The following SLC35G2 variants were observed in gnomAD, a reference collection of about 807,000 sequenced individuals.
The protein encoded by SLC35G2 is transmembrane protein 22.
SLC35G2 carries 20 observed loss-of-function variants against 27.2 expected under a neutral mutation model. That is an observed-to-expected ratio of 0.74 (90% CI 0.52 to 1.07). The LOEUF (loss-of-function observed/expected upper bound fraction) is 1.07, where lower values mean the gene tolerates loss of function less well. Among genes scored for constraint, SLC35G2 ranks in the 50% least tolerant of loss-of-function variants. The pLI is 0.00. For missense variants in SLC35G2, 416 were observed against 493.3 expected (o/e 0.84, Z 1.48); for synonymous variants, 148 against 165.3 (o/e 0.90, Z 0.80).
intron 1 of SLC35G2, among the ~76,000 whole-genome samples, chr3:136,844,704 G>C (rs993372310): frequency 6.9e-6 from 1 of 145,782 alleles, no homozygotes; most frequent in African/African-American, 2.5e-5. Context: ...TGAGGCTGAG[G>C]CACGAATTGC....
At chr3:136,845,736 T>C (rs1238519908) in intron 1 of SLC35G2, among the ~76,000 whole-genome samples, 2 of 151,714 alleles carry the variant, frequency 1.3e-5, no homozygotes, top group Admixed American at 1.3e-4. Flanking sequence ...GGTGGGACTA[T>C]AGGTGCGCGC....
chr3:136,821,384 A>G (rs979658817), intron 1 of SLC35G2, among the ~76,000 whole-genome samples: 1 of 152,128 alleles, frequency 6.6e-6, no homozygotes, highest in African/African-American at 2.4e-5. Flanking sequence ...TTTATGTCCA[A>G]TTTTTTAGAC....
intron 1 of SLC35G2, among the ~76,000 whole-genome samples, chr3:136,826,323 C>T (rs1936585752): frequency 6.7e-6 from 1 of 149,868 alleles, no homozygotes; most frequent in East Asian, 2.0e-4. Context: ...AGGCATGAGC[C>T]ACCACGAGGT....
chr3:136,832,865 G>A (rs1374324854), intron 1 of SLC35G2, among the ~76,000 whole-genome samples: 1 of 151,700 alleles, frequency 6.6e-6, no homozygotes, highest in Non-Finnish European at 1.5e-5. Context: ...TCAGGAGATC[G>A]ACACCATCCT....
intron 1 of SLC35G2, among the ~76,000 whole-genome samples, chr3:136,822,977 G>A (rs1936495571): frequency 6.6e-6 from 1 of 152,056 alleles, no homozygotes; most frequent in Non-Finnish European, 1.5e-5. Context: ...TTTTTTTGAG[G>A]CACCTCCAAA....
At chr3:136,852,181 T>C (rs1031765490) in intron 1 of SLC35G2, among the ~76,000 whole-genome samples, 3 of 151,086 alleles carry the variant, frequency 2.0e-5, no homozygotes, top group Admixed American at 1.3e-4. Context: ...CTGGCAAAAG[T>C]TGGAAATAAA....
At chr3:136,843,572 G>C (rs1937205639) in intron 1 of SLC35G2, among the ~76,000 whole-genome samples, 1 of 152,068 alleles carries the variant, frequency 6.6e-6, no homozygotes, top group Non-Finnish European at 1.5e-5. Flanking sequence ...CTTGAGCCCA[G>C]GAGGTGGAGG....
At position 136,854,842 on chromosome 3, in the gene SLC35G2, C is replaced by T. The variant is rs570589760; in HGVS notation, c.382C>T (p.Arg128Trp). 80 of 1,614,184 alleles carry T rather than the reference C, an allele frequency of 5.0e-5. No homozygotes were observed. Among genetic ancestry groups the T allele is most frequent in the South Asian group, 3.8e-4 (35 of 91,080 alleles). ...TCTTATCACTAGGCTTGTTTCTGAT[C>T]GGTCTAAAGTTCCATCTCTAGAACT... ...VALITRLVSDRSKVPSLELIF... is the reference protein window; with the variant it reads ...VALITRLVSDWSKVPSLELIF... The change falls in exon 2 of 2, where the codon CGG becomes TGG. Residue 128 changes from arginine (R) to tryptophan (W), a missense_variant. Arg to Trp is a moderately radical substitution (Grantham distance 101). Coordinates refer to ENST00000446465, the MANE Select transcript of SLC35G2 (RefSeq NM_025246.3).
chr3:136,832,549 T>C (rs1936756296), intron 1 of SLC35G2, among the ~76,000 whole-genome samples: 1 of 152,218 alleles, frequency 6.6e-6, no homozygotes, highest in Non-Finnish European at 1.5e-5. Flanking sequence ...CCATTAACAT[T>C]TAAGTTCCTT....
chr3:136,839,610 T>G (rs1412871206), intron 1 of SLC35G2, among the ~76,000 whole-genome samples: 2 of 152,186 alleles, frequency 1.3e-5, no homozygotes, highest in African/African-American at 4.8e-5. Context: ...AGACTAAATG[T>G]TTAGCCCAGC....
chr3:136,820,258 C>T (rs1936420560), intron 1 of SLC35G2: 2 of 152,252 alleles, frequency 1.3e-5, no homozygotes, highest in Admixed American at 6.5e-5. Flanking sequence ...TCCGGAGGAG[C>T]GATCTTCCTC....
chr3:136,825,683 G>C (rs910826786), intron 1 of SLC35G2, among the ~76,000 whole-genome samples: 2 of 152,098 alleles, frequency 1.3e-5, no homozygotes, highest in Admixed American at 1.3e-4. Context: ...TCTTTATTCT[G>C]TTGATATAAT....
In SLC35G2 at chr3:136,844,797, C is replaced by CAA. The variant is rs58243269; in HGVS notation, c.-18-9622_-18-9621dup. On this transcript the variant is annotated intron_variant, in intron 1 of 1. Coordinates refer to ENST00000446465, the MANE Select transcript of SLC35G2 (RefSeq NM_025246.3). ...TGGGCGACAGCAAGACTCTCTGTCT[C>CAA]AAAAAAAAAAAAAAAAAAAAAAAAA... is the stretch of plus-strand genomic sequence containing the variant. Among the ~76,000 whole-genome samples, 206 of 35,312 alleles carry CAA rather than the reference C, an allele frequency of 5.8e-3. 3 individuals are homozygous for CAA. Among genetic ancestry groups the CAA allele is most frequent in the South Asian group, 0.011 (9 of 788 alleles). 23.2% of individuals were successfully genotyped at this position (35,312 alleles called of 152,430 possible).
intron 1 of SLC35G2, among the ~76,000 whole-genome samples, chr3:136,854,197 T>C (rs745758915): frequency 6.6e-6 from 1 of 152,138 alleles, no homozygotes; most frequent in Non-Finnish European, 1.5e-5. Context: ...AAGATAGAGC[T>C]GAATTAAACA....
chr3:136,852,253 G>A (rs1279416671), intron 1 of SLC35G2, among the ~76,000 whole-genome samples: 1 of 152,144 alleles, frequency 6.6e-6, no homozygotes, highest in Admixed American at 6.5e-5. Context: ...GGACATCCAG[G>A]CTAGGAAATA....
At chr3:136,836,032 T>C (rs919812340) in intron 1 of SLC35G2, among the ~76,000 whole-genome samples, 5 of 152,146 alleles carry the variant, frequency 3.3e-5, no homozygotes, top group African/African-American at 1.2e-4. Flanking sequence ...GAGAATGGAT[T>C]TTTAGAACCA....
intron 1 of SLC35G2, among the ~76,000 whole-genome samples, chr3:136,848,136 G>A (rs905052075): frequency 1.3e-5 from 2 of 152,190 alleles, no homozygotes; most frequent in Non-Finnish European, 2.9e-5. Flanking sequence ...AAAGGCCTAA[G>A]CCCTCACCTT....
At chr3:136,824,613 GT>G (rs1410647060) in intron 1 of SLC35G2, among the ~76,000 whole-genome samples, 2 of 152,148 alleles carry the variant, frequency 1.3e-5, no homozygotes, top group African/African-American at 2.4e-5. Flanking sequence ...GTAAACAGTA[GT>G]TTACTAATGA....
intron 1 of SLC35G2, chr3:136,839,108 T>G (rs1319191429): frequency 1.0e-5 from 1 of 95,994 alleles, no homozygotes; most frequent in African/African-American, 3.8e-5. Context: ...AGGAAGGTGA[T>G]TCTGCTTTTT....
Sources: allele counts gnomAD v4.1 joint callset (sites outside exome capture counted in the v4.1 genomes callset), GRCh38; gene constraint gnomAD v4.1.1; transcripts MANE v1.5; gene names NCBI Gene and HGNC (gene_info 2026-07-23, HGNC 2026-07-21).